HOMER1: variants seen among roughly 807,000 people sequenced by gnomAD.
The protein encoded by HOMER1 is homer protein homolog 1.
HOMER1 carries 3 observed loss-of-function variants against 48.9 expected under a neutral mutation model. The observed-to-expected ratio is 0.06, with a 90% CI of 0.03 to 0.16. The LOEUF (loss-of-function observed/expected upper bound fraction) is 0.16, where lower values mean the gene tolerates loss of function less well. Among genes scored for constraint, HOMER1 ranks in the 10% least tolerant of loss-of-function variants. The pLI is 1.00. For synonymous variants in HOMER1, 134 were observed against 146.4 expected (o/e 0.92, Z 0.61); for missense variants, 247 against 411.4 (o/e 0.60, Z 3.46).
chr5:79,507,585 A>G (rs575515339), intron 1 of HOMER1, among the ~76,000 whole-genome samples: 1 of 152,276 alleles, frequency 6.6e-6, no homozygotes, highest in Non-Finnish European at 1.5e-5. Flanking sequence ...ATCAGAAAAA[A>G]ATTATATCAG....
At chr5:79,412,540 G>C (rs747870759) in intron 5 of HOMER1, among the ~76,000 whole-genome samples, 2 of 152,192 alleles carry the variant, frequency 1.3e-5, no homozygotes, top group Non-Finnish European at 2.9e-5. Flanking sequence ...GTGCACACAT[G>C]GGACAGATGC....
At chr5:79,473,438 T>C (rs1751676110) in intron 1 of HOMER1, among the ~76,000 whole-genome samples, 1 of 152,224 alleles carries the variant, frequency 6.6e-6, no homozygotes, top group African/African-American at 2.4e-5. Flanking sequence ...GACACCCTTG[T>C]ACTAAAGACT....
chr5:79,496,838 G>A (rs979240499), intron 1 of HOMER1, among the ~76,000 whole-genome samples: 1 of 152,018 alleles, frequency 6.6e-6, no homozygotes, highest in Admixed American at 6.5e-5. Flanking sequence ...GCCGAGGTGG[G>A]TGGATCACTT....
At chr5:79,512,404 T>C (rs1207774011) in intron 1 of HOMER1, among the ~76,000 whole-genome samples, 2 of 152,232 alleles carry the variant, frequency 1.3e-5, no homozygotes, top group Admixed American at 1.3e-4. Context: ...CTAAAAGTAC[T>C]GAGAGAATGC....
intron 5 of HOMER1, among the ~76,000 whole-genome samples, chr5:79,434,402 G>A (rs1483681871): frequency 6.6e-6 from 1 of 151,516 alleles, no homozygotes; most frequent in Non-Finnish European, 1.5e-5. Flanking sequence ...AAGCAAACAA[G>A]AATTCCCTGG....
chr5:79,507,693 AACTAAAC>A (rs1049303929), intron 1 of HOMER1, among the ~76,000 whole-genome samples: 2 of 142,178 alleles, frequency 1.4e-5, no homozygotes, highest in African/African-American at 5.7e-5. Context: ...TAAATACTTC[AACTAAAC>A]ACTAAAGACT....
intron 1 of HOMER1, among the ~76,000 whole-genome samples, chr5:79,503,803 T>C (rs1752674168): frequency 6.6e-6 from 1 of 151,766 alleles, no homozygotes; most frequent in Non-Finnish European, 1.5e-5. Flanking sequence ...AAGTCGATCA[T>C]CATAAATATT....
At chr5:79,469,814 G>T (rs921546791) in intron 1 of HOMER1, among the ~76,000 whole-genome samples, 1 of 151,908 alleles carries the variant, frequency 6.6e-6, no homozygotes, top group Non-Finnish European at 1.5e-5. Flanking sequence ...TTTTGTCAGC[G>T]TTTCACGTAA....
chr5:79,510,634 A>G, intron 1 of HOMER1: 1 of 919,492 alleles, frequency 1.1e-6, no homozygotes, highest in Non-Finnish European at 1.8e-6. Flanking sequence ...CCATGAGTGC[A>G]CATGCCAAGG....
intron 1 of HOMER1, among the ~76,000 whole-genome samples, chr5:79,459,668 A>G (rs959421866): frequency 1.3e-5 from 2 of 152,250 alleles, no homozygotes; most frequent in African/African-American, 4.8e-5. Context: ...ATATGCCAAG[A>G]TGTAGGATCC....
intron 1 of HOMER1, among the ~76,000 whole-genome samples, chr5:79,457,233 A>T (rs553088147): frequency 6.6e-6 from 1 of 152,224 alleles, no homozygotes; most frequent in Non-Finnish European, 1.5e-5. Context: ...GAGTCTGTAC[A>T]TGTGAATTCA....
intron 1 of HOMER1, among the ~76,000 whole-genome samples, chr5:79,460,074 T>TG (rs1751277211): frequency 6.6e-6 from 1 of 152,176 alleles, no homozygotes; most frequent in Non-Finnish European, 1.5e-5. Context: ...AGGCTGGTCT[T>TG]GAAGTCTTGG....
At chr5:79,489,697 T>G (rs894558538) in intron 1 of HOMER1, among the ~76,000 whole-genome samples, 1 of 152,234 alleles carries the variant, frequency 6.6e-6, no homozygotes, top group Non-Finnish European at 1.5e-5. Context: ...TTCATCTACA[T>G]GAAAAATCTA....
intron 5 of HOMER1, among the ~76,000 whole-genome samples, chr5:79,436,643 A>G (rs1162219375): frequency 6.6e-6 from 1 of 152,160 alleles, no homozygotes; most frequent in Non-Finnish European, 1.5e-5. Context: ...ATTACATTTC[A>G]TTTTTCAGAA....
chr5:79,426,321 T>C (rs927418400), intron 5 of HOMER1, among the ~76,000 whole-genome samples: 12 of 152,118 alleles, frequency 7.9e-5, no homozygotes, highest in African/African-American at 2.7e-4. Context: ...CGCAATCCCA[T>C]GTTTACTGCA....
intron 5 of HOMER1, among the ~76,000 whole-genome samples, chr5:79,432,541 A>C (rs1479071801): frequency 3.3e-5 from 5 of 152,200 alleles, no homozygotes; most frequent in African/African-American, 1.2e-4. Context: ...CATAAAGAAT[A>C]GTTTTTTTCT....
intron 1 of HOMER1, among the ~76,000 whole-genome samples, chr5:79,458,937 C>T (rs1239365183): frequency 6.6e-6 from 1 of 152,134 alleles, no homozygotes; most frequent in South Asian, 2.1e-4. Flanking sequence ...CCTGCAACCC[C>T]TATTTTTCTT....
intron 5 of HOMER1, among the ~76,000 whole-genome samples, chr5:79,407,450 G>A (rs1580429579): frequency 6.6e-6 from 1 of 152,182 alleles, no homozygotes; most frequent in Non-Finnish European, 1.5e-5. Flanking sequence ...GTGGAAAGAA[G>A]GACATCACGT....
At chr5:79,402,133 A>T in intron 5 of HOMER1, 78 bp from the exon 6 acceptor site, 1 of 1,170,544 alleles carries the variant, frequency 8.5e-7, no homozygotes, top group South Asian at 1.4e-5. Flanking sequence ...ACTCAGTTCT[A>T]TTGTAGGGTT....
Sources: allele counts gnomAD v4.1 joint callset (sites outside exome capture counted in the v4.1 genomes callset), GRCh38; gene constraint gnomAD v4.1.1; transcripts MANE v1.5; gene names NCBI Gene and HGNC (gene_info 2026-07-23, HGNC 2026-07-21).